The following FAM200B variants were observed in gnomAD, a reference collection of about 807,000 sequenced individuals.
FAM200B encodes zinc finger BED-type containing 11, also known as protein FAM200B.
FAM200B carries 32 observed loss-of-function variants against 33.1 expected under a neutral mutation model. The observed-to-expected ratio is 0.97, with a 90% CI of 0.73 to 1.30. The LOEUF (loss-of-function observed/expected upper bound fraction) is 1.30. Ranked by LOEUF, FAM200B falls within the 50% of genes most tolerant of loss-of-function variation. The pLI is 0.00. For synonymous variants in FAM200B, 240 were observed against 264.8 expected, an observed-to-expected ratio of 0.91 and a Z score of 0.91; for missense variants, 741 against 754.0, an observed-to-expected ratio of 0.98 and a Z score of 0.20.
the FAM200B span, among the ~76,000 whole-genome samples, chr4:15,639,785 G>C: frequency 6.6e-6 from 1 of 152,060 alleles, no homozygotes; most frequent in Non-Finnish European, 1.5e-5. Flanking sequence ...TGTCTGAAAA[G>C]GTCTTAAAAT....
chr4:15,678,065 C>A (rs1718061316), upstream of FAM200B, among the ~76,000 whole-genome samples: 1 of 152,168 alleles, frequency 6.6e-6, no homozygotes, highest in African/African-American at 2.4e-5. Context: ...GGGTGTGTTT[C>A]ATACATACTT....
chr4:15,646,377 T>TA, the FAM200B span, among the ~76,000 whole-genome samples: 3 of 151,316 alleles, frequency 2.0e-5, no homozygotes, highest in East Asian at 1.9e-4. Flanking sequence ...GATTTTTTTT[T>TA]AAATCATAAG....
the FAM200B span, among the ~76,000 whole-genome samples, chr4:15,660,523 G>T: frequency 2.0e-5 from 3 of 152,164 alleles, no homozygotes; most frequent in African/African-American, 7.2e-5. Context: ...CTGACCAATA[G>T]CCTGGCTAAT....
At chr4:15,642,513 C>T in the FAM200B span, among the ~76,000 whole-genome samples, 11 of 152,000 alleles carry the variant, frequency 7.2e-5, no homozygotes, top group Non-Finnish European at 1.3e-4. Context: ...TAGAATTACA[C>T]GGATGAGCCA....
At chr4:15,643,161 C>T in the FAM200B span, among the ~76,000 whole-genome samples, 7 of 152,128 alleles carry the variant, frequency 4.6e-5, no homozygotes, top group African/African-American at 1.7e-4. Context: ...CTACCCCAAC[C>T]AAACCTCCCA....
At chr4:15,666,014 AC>A in the FAM200B span, among the ~76,000 whole-genome samples, 3 of 139,174 alleles carry the variant, frequency 2.2e-5, no homozygotes, top group African/African-American at 7.9e-5. Flanking sequence ...CCTACTGACA[AC>A]CTTTTTTTAA....
the FAM200B span, chr4:15,638,400 G>T: frequency 1.5e-6 from 1 of 682,306 alleles, no homozygotes; most frequent in Non-Finnish European, 2.3e-6. Context: ...ACTGACCACA[G>T]TGCAGGCCTA....
At chr4:15,666,266 G>T in the FAM200B span, among the ~76,000 whole-genome samples, 8 of 152,178 alleles carry the variant, frequency 5.3e-5, no homozygotes, top group African/African-American at 1.9e-4. Flanking sequence ...AGGTATGGTG[G>T]TGCATGCCTG....
At chr4:15,673,105 G>A in the FAM200B span, among the ~76,000 whole-genome samples, 12 of 151,970 alleles carry the variant, frequency 7.9e-5, no homozygotes, top group Admixed American at 3.3e-4. Context: ...GTTGTTTTAC[G>A]GTTAACTTTT....
At chr4:15,671,603 G>A in the FAM200B span, among the ~76,000 whole-genome samples, 1 of 151,992 alleles carries the variant, frequency 6.6e-6, no homozygotes, top group East Asian at 1.9e-4. Flanking sequence ...TCTTGTGCTT[G>A]GAGTTCATAT....
At chr4:15,655,756 T>C in the FAM200B span, among the ~76,000 whole-genome samples, 257 of 152,290 alleles carry the variant, frequency 1.7e-3, no homozygotes, top group African/African-American at 5.7e-3. Context: ...CGACGCCTGC[T>C]TGGCCTGGGT....
At chr4:15,656,921 CTG>C in the FAM200B span, among the ~76,000 whole-genome samples, 1 of 152,144 alleles carries the variant, frequency 6.6e-6, no homozygotes, top group Non-Finnish European at 1.5e-5. Context: ...AGTCAAAAAT[CTG>C]TCATATAAAT....
At chr4:15,636,910 A>G in the FAM200B span, among the ~76,000 whole-genome samples, 1 of 152,240 alleles carries the variant, frequency 6.6e-6, no homozygotes, top group East Asian at 1.9e-4. Flanking sequence ...GGGAGCTACA[A>G]TAATGAACAC....
Position 15,690,402 on chromosome 4 carries a change from A to G in FAM200B, c.*1451A>G, listed in dbSNP as rs1229034689. On this transcript the variant is annotated 3_prime_UTR_variant, in exon 2 of 2. Transcript: ENST00000422728. Reference sequence around the variant, plus strand: ...TTTTCTGTTCTATTGAAGGTAATTGATTTTTTCTTTTTTTTTAATGCTTGA... The same window carrying G: ...TTTTCTGTTCTATTGAAGGTAATTGGTTTTTTCTTTTTTTTTAATGCTTGA... 1 of 165,912 alleles carries G rather than the reference A, an allele frequency of 6.0e-6. No homozygotes were observed. The highest frequency in any genetic ancestry group is 2.4e-5 in the African/African-American group (1 of 41,214). 10.3% of individuals were successfully genotyped at this position (165,912 alleles called of 1,614,324 possible).
chr4:15,663,753 G>A, the FAM200B span, among the ~76,000 whole-genome samples: 14 of 152,126 alleles, frequency 9.2e-5, no homozygotes, highest in Admixed American at 9.2e-4. Flanking sequence ...AACACTAGGT[G>A]ACTATCATTT....
chr4:15,658,201 AG>A, the FAM200B span, among the ~76,000 whole-genome samples: 1 of 152,368 alleles, frequency 6.6e-6, no homozygotes, highest in East Asian at 1.9e-4. Context: ...TTTCCCTAAT[AG>A]GGGATTAGTT....
the FAM200B span, among the ~76,000 whole-genome samples, chr4:15,672,132 C>T: frequency 1.3e-5 from 2 of 152,148 alleles, no homozygotes; most frequent in Non-Finnish European, 2.9e-5. Context: ...TAGTTTGATG[C>T]TTTCAGGCCT....
chr4:15,651,198 T>C, the FAM200B span, among the ~76,000 whole-genome samples: 2 of 152,124 alleles, frequency 1.3e-5, no homozygotes, highest in South Asian at 2.1e-4. Flanking sequence ...AATTTACAGA[T>C]GGAAAAAATG....
the FAM200B span, among the ~76,000 whole-genome samples, chr4:15,638,082 C>T: frequency 2.0e-5 from 3 of 151,654 alleles, no homozygotes; most frequent in East Asian, 1.9e-4. Flanking sequence ...TTTTGAAAAC[C>T]AATGAAAAAA....
Sources: allele counts gnomAD v4.1 joint callset (sites outside exome capture counted in the v4.1 genomes callset), GRCh38; gene constraint gnomAD v4.1.1; transcripts MANE v1.5; gene names NCBI Gene and HGNC (gene_info 2026-07-23, HGNC 2026-07-21).